Variants in RIF1 observed in about 807,000 individuals in gnomAD.
RIF1 encodes the protein telomere-associated protein RIF1.
RIF1 carries 45 observed loss-of-function variants against 247.1 expected under a neutral mutation model. That is an observed-to-expected ratio of 0.18 (90% CI 0.14 to 0.23). The LOEUF (loss-of-function observed/expected upper bound fraction) is 0.23, where lower values mean the gene tolerates loss of function less well. Among genes scored for constraint, RIF1 ranks in the 10% least tolerant of loss-of-function variants. RIF1 has a pLI of 1.00. For missense variants in RIF1, 2,967 were observed against 2,862.5 expected (o/e 1.04, Z -0.83); for synonymous variants, 1,087 against 978.8 (o/e 1.11, Z -2.06).
the RIF1 span, chr2:151,533,350 A>C: frequency 1.3e-6 from 1 of 797,422 alleles, no homozygotes; most frequent in Non-Finnish European, 2.1e-6. Context: ...CAGCATGGGC[A>C]GGGAGTGGAA....
chr2:151,441,779 A>G, intron 15 of RIF1, 126 bp from the exon 16 acceptor site: 1 of 473,288 alleles, frequency 2.1e-6, no homozygotes, highest in Non-Finnish European at 3.9e-6. Flanking sequence ...TTTTTAACTA[A>G]TGAGATTATA....
At chr2:151,447,118 T>C (rs1466575275) in intron 20 of RIF1, among the ~76,000 whole-genome samples, 1 of 151,748 alleles carries the variant, frequency 6.6e-6, no homozygotes, top group Admixed American at 6.6e-5. Context: ...TAATTTTTTG[T>C]ATTTTTAGTA....
At chr2:151,438,218 C>T (rs759409236) in intron 13 of RIF1, among the ~76,000 whole-genome samples, 14 of 152,162 alleles carry the variant, frequency 9.2e-5, no homozygotes, top group Non-Finnish European at 1.9e-4. Context: ...TAGCGCATGC[C>T]TGTAATCCTG....
intron 25 of RIF1, among the ~76,000 whole-genome samples, chr2:151,459,554 G>T (rs114669976): frequency 0.033 from 4,970 of 152,274 alleles, 170 homozygotes; most frequent in East Asian, 0.19. Flanking sequence ...ACAGACTTGT[G>T]AAAGAGTTCA....
At chr2:151,492,701 C>A in intron 9 of RIF1, 1 of 371,504 alleles carries the variant, frequency 2.7e-6, no homozygotes, top group Non-Finnish European at 4.8e-6. Context: ...GTTTTGACTT[C>A]GAAAATGAAA....
chr2:151,460,326 G>GT (rs1334094288), intron 26 of RIF1, among the ~76,000 whole-genome samples: 2 of 152,178 alleles, frequency 1.3e-5, no homozygotes, highest in Non-Finnish European at 2.9e-5. Context: ...GGAAAGGTAA[G>GT]TTTCTGTGTA....
intron 9 of RIF1, among the ~76,000 whole-genome samples, chr2:151,431,565 A>G (rs1376841622): frequency 6.6e-6 from 1 of 152,206 alleles, no homozygotes; most frequent in African/African-American, 2.4e-5. Context: ...AGGCGGGCAG[A>G]TCACCTGAGT....
chr2:151,489,805 A>G (rs2054627847), intron 9 of RIF1, among the ~76,000 whole-genome samples: 1 of 152,116 alleles, frequency 6.6e-6, no homozygotes, highest in Non-Finnish European at 1.5e-5. Context: ...TTTGAGTTAG[A>G]TAATGAAAGT....
rs1351497808 is a variant in RIF1 at position 151,481,400 on chromosome 2, T to TA, written c.*6330dup. ...CCTACTTAAACTCTCAAACTACAGT[T>TA]ACGTATTTGCCATGATGTTAAGGGA... On this transcript the variant is annotated 3_prime_UTR_variant, in exon 36 of 36. Coordinates refer to ENST00000444746, the MANE Select transcript of RIF1 (RefSeq NM_018151.5). 2 of 152,204 alleles carry TA rather than the reference T, an allele frequency of 1.3e-5. No individual in the cohort carries two copies. The highest frequency in any genetic ancestry group is 2.9e-5 in the Non-Finnish European group (2 of 68,038). The allele number at this position is 152,204 out of a possible 1,614,324, so 9.4% of individuals were successfully genotyped here. A position where few individuals can be genotyped will look rare whatever the true frequency, so the allele number is the denominator to read the frequency against.
intron 12 of RIF1, chr2:151,505,367 A>T: frequency 1.1e-6 from 1 of 945,724 alleles, no homozygotes; most frequent in Non-Finnish European, 1.7e-6. Context: ...AATTCACAAC[A>T]TCCCCAAGGC....
At chr2:151,485,683 A>T (rs941040073), downstream of RIF1, 6 of 1,370,256 alleles carry the variant, frequency 4.4e-6, no homozygotes, top group African/African-American at 8.7e-5. Flanking sequence ...GAACTTAGGT[A>T]ACAGTGGAGA....
downstream of RIF1, chr2:151,485,215 T>TAAC (rs1446865730): frequency 2.0e-5 from 3 of 152,260 alleles, no homozygotes; most frequent in African/African-American, 7.2e-5. Context: ...CTCTTAGGCA[T>TAAC]AACAGTACAT....
chr2:151,425,049 A>AT (rs1688804615), intron 8 of RIF1, among the ~76,000 whole-genome samples: 1 of 151,880 alleles, frequency 6.6e-6, no homozygotes, highest in South Asian at 2.1e-4. Flanking sequence ...TTCCGCTTCC[A>AT]TAATATCCTC....
chr2:151,437,060 A>G, intron 12 of RIF1, 57 bp downstream of exon 12: 3 of 1,445,870 alleles, frequency 2.1e-6, no homozygotes, highest in Non-Finnish European at 2.8e-6. Context: ...GACTTAATGC[A>G]TTGGGGTGAG....
intron 7 of RIF1, among the ~76,000 whole-genome samples, chr2:151,421,274 G>A (rs191551761): frequency 4.6e-5 from 7 of 152,318 alleles, no homozygotes; most frequent in Non-Finnish European, 1.0e-4. Context: ...GGAGAGTGCT[G>A]TGAGAAAGGA....
In RIF1 at chr2:151,475,216, T is replaced by C. The variant is rs1419891167; in HGVS notation, c.*145T>C. The C allele has an allele frequency of 2.7e-5, 17 of 631,962 alleles. 1 individual carries two copies. Among genetic ancestry groups the C allele is most frequent in the East Asian group, 1.9e-4 (7 of 36,264 alleles). 39.1% of individuals were successfully genotyped at this position (631,962 alleles called of 1,614,324 possible). ...TCAAACCCTGAAGGACAGTGACTTATTATGTAAGTTCAATTTTGTAAGTTC... is the reference window on the plus strand; with the variant it reads ...TCAAACCCTGAAGGACAGTGACTTACTATGTAAGTTCAATTTTGTAAGTTC... On this transcript the variant is annotated 3_prime_UTR_variant, in exon 36 of 36. Coordinates refer to ENST00000444746, the MANE Select transcript of RIF1 (RefSeq NM_018151.5).
chr2:151,492,137 C>T, intron 9 of RIF1: 2 of 1,613,894 alleles, frequency 1.2e-6, no homozygotes, highest in South Asian at 2.2e-5. Flanking sequence ...CGTTTTTGTT[C>T]CATTTCTACC....
Position 151,468,716 on chromosome 2 carries a change from C to T in RIF1, c.6901C>T (p.Pro2301Ser). The change falls in exon 33 of 36, where the codon CCA becomes TCA. Residue 2301 changes from proline (P) to serine (S), a missense_variant. Coordinates refer to ENST00000444746, the MANE Select transcript of RIF1 (RefSeq NM_018151.5). ...CCCACCATTGGTGAACTGTGTGGCA[C>T]CAGTTGACATCATTTTACCTCAGAT... ...VYPPLVNCVA[P>S]VDIILPQITS... 1 of 1,613,792 alleles carries T rather than the reference C, an allele frequency of 6.2e-7. No individual in the cohort carries two copies. Among genetic ancestry groups the T allele is most frequent in the Non-Finnish European group, 8.5e-7 (1 of 1,179,706 alleles).
chr2:151,448,942 A>G (rs958311564), intron 20 of RIF1, among the ~76,000 whole-genome samples: 4 of 152,222 alleles, frequency 2.6e-5, no homozygotes, highest in Non-Finnish European at 4.4e-5. Flanking sequence ...GAGTCTGTCA[A>G]ATTTCACAAA....
Sources: allele counts gnomAD v4.1 joint callset (sites outside exome capture counted in the v4.1 genomes callset), GRCh38; gene constraint gnomAD v4.1.1; transcripts MANE v1.5; gene names NCBI Gene and HGNC (gene_info 2026-07-23, HGNC 2026-07-21).